DNAJC16: variants seen among roughly 807,000 people sequenced by gnomAD.
DNAJC16 encodes dnaJ homolog subfamily C member 16.
In DNAJC16, 76 loss-of-function variants were observed where a neutral mutation model predicts 92.7. That is an observed-to-expected ratio of 0.82 (90% confidence interval 0.68 to 0.99). DNAJC16 has a LOEUF of 0.99. Among genes scored for constraint, DNAJC16 ranks in the 50% least tolerant of loss-of-function variants. The probability of loss-of-function intolerance (pLI) is 0.00; values close to 1 mark genes in which losing one functional copy is unlikely to be tolerated. For synonymous variants in DNAJC16, 328 were observed against 358.7 expected (o/e 0.91, Z 0.97); for missense variants, 869 against 942.4 (o/e 0.92, Z 1.02).
chr1:15,544,561 T>C lies in DNAJC16; in HGVS notation c.737T>C (p.Leu246Pro), dbSNP rs769701324. 3 of 1,614,158 alleles carry C rather than the reference T, an allele frequency of 1.9e-6. No homozygotes were observed. The East Asian group carries it at 6.7e-5, about 36-fold the overall frequency. ...CTGCGACAATTTGTAGAAAGTCTTC[T>C]TCCAGGGAACTTGGTGGAGAAAGTA... ...ENLRQFVESL[L>P]PGNLVEKVTN... The change falls in exon 5 of 15, where the codon CTT (leucine) becomes CCT (proline). Residue 246 changes from leucine (L) to proline (P), a missense_variant. Leu to Pro is a moderately conservative substitution (Grantham distance 98). Coordinates refer to ENST00000375847, the MANE Select transcript of DNAJC16 (RefSeq NM_015291.4).
intron 13 of DNAJC16, chr1:15,566,469 G>A (rs1199216909): frequency 1.3e-5 from 5 of 391,784 alleles, no homozygotes; most frequent in South Asian, 6.3e-5. Context: ...GTCAATGAAC[G>A]TAACCAGTCT....
At chr1:15,528,262 G>A (rs1710567858) in intron 1 of DNAJC16, among the ~76,000 whole-genome samples, 1 of 152,136 alleles carries the variant, frequency 6.6e-6, no homozygotes, top group Admixed American at 6.6e-5. Context: ...GTGAAACCCT[G>A]TCTCTACTAA....
intron 5 of DNAJC16, among the ~76,000 whole-genome samples, chr1:15,545,079 A>G (rs1420689207): frequency 6.6e-6 from 1 of 152,232 alleles, no homozygotes; most frequent in South Asian, 2.1e-4. Context: ...CAGTGACAAT[A>G]ATATGAATGA....
At chr1:15,534,142 G>C in intron 2 of DNAJC16, 95 bp from the exon 3 acceptor site, 1 of 1,214,428 alleles carries the variant, frequency 8.2e-7, no homozygotes, top group East Asian at 2.6e-5. Context: ...ATAGCCCTCC[G>C]TCTGCCTCTG....
intron 7 of DNAJC16, 114 bp from the exon 8 acceptor site, chr1:15,559,412 T>G: frequency 7.0e-7 from 1 of 1,424,420 alleles, no homozygotes; most frequent in Non-Finnish European, 9.6e-7. Context: ...TGTTTGGTTA[T>G]ATTACTTTAG....
At chr1:15,542,059 T>C (rs1401534739) in intron 4 of DNAJC16, 3 of 152,068 alleles carry the variant, frequency 2.0e-5, no homozygotes, top group Non-Finnish European at 4.4e-5. Context: ...TGATTAGAAG[T>C]TTGAAAGTTT....
Position 15,568,448 on chromosome 1 carries a change from T to G in DNAJC16, c.*271T>G. 1 of 515,512 alleles carries G rather than the reference T, an allele frequency of 1.9e-6. No homozygotes were observed. The highest frequency in any genetic ancestry group is 1.9e-5 in the African/African-American group (1 of 52,114). 31.9% of individuals were successfully genotyped at this position (515,512 alleles called of 1,614,324 possible). ...CATTGAAAATAGACTGCTCATCCCC[T>G]CTTCCTTTCTTGTCCTTGTCCCATG... On this transcript the variant is annotated 3_prime_UTR_variant, in exon 15 of 15. Transcript: ENST00000375847.
chr1:15,537,607 A>G (rs1308273624), intron 4 of DNAJC16, among the ~76,000 whole-genome samples: 1 of 152,168 alleles, frequency 6.6e-6, no homozygotes, highest in African/African-American at 2.4e-5. Flanking sequence ...TCATGTTCCA[A>G]TTACTGTATT....
At chr1:15,551,039 T>A (rs1638431537) in intron 7 of DNAJC16, among the ~76,000 whole-genome samples, 1 of 152,086 alleles carries the variant, frequency 6.6e-6, no homozygotes, top group Admixed American at 6.5e-5. Context: ...CCGGCTAATT[T>A]TTGTATTTTT....
chr1:15,539,831 C>T (rs1468749006), intron 4 of DNAJC16, among the ~76,000 whole-genome samples: 1 of 152,002 alleles, frequency 6.6e-6, no homozygotes, highest in Non-Finnish European at 1.5e-5. Context: ...AGTTTGAGAC[C>T]AGCCTGGCCA....
chr1:15,565,752 A>G, intron 11 of DNAJC16, 167 bp from the exon 12 acceptor site: 1 of 674,256 alleles, frequency 1.5e-6, no homozygotes, highest in Non-Finnish European at 2.6e-6. Flanking sequence ...AGCAATCTCT[A>G]CCTTCCCCTC....
intron 4 of DNAJC16, among the ~76,000 whole-genome samples, chr1:15,541,550 A>T (rs1044650201): frequency 1.3e-5 from 2 of 152,178 alleles, no homozygotes; most frequent in Admixed American, 6.5e-5. Context: ...AGACTGCAAC[A>T]GTCAAAGTCA....
Position 15,546,881 on chromosome 1 carries a change from A to G in DNAJC16, c.864+10A>G, listed in dbSNP as rs181355970. On this transcript the variant is annotated intron_variant, in intron 6 of 14. Transcript: ENST00000375847. ...GCCACTGTTATACAAGGTACTTTCT[A>G]TGCTAGGATAATGGTTTCTTTTTCT... The G allele has an allele frequency of 1.0e-5, 15 of 1,491,878 alleles. No homozygotes were observed. The highest frequency in any genetic ancestry group is 1.7e-4 in the Middle Eastern group (1 of 5,730). 92.4% of individuals were successfully genotyped at this position (1,491,878 alleles called of 1,614,324 possible). A position where few individuals can be genotyped will look rare whatever the true frequency, so the allele number is the denominator to read the frequency against.
rs1186317031 is a variant in DNAJC16, at chr1:15,526,868, C to G, written c.-109C>G. 6.6e-6 allele frequency: 1 copy of G among 152,554 alleles called. No homozygotes were observed. The highest frequency in any genetic ancestry group is 1.5e-5 in the Non-Finnish European group (1 of 68,246). 9.5% of individuals were successfully genotyped at this position (152,554 alleles called of 1,614,324 possible). A position where few individuals can be genotyped will look rare whatever the true frequency, so the allele number is the denominator to read the frequency against. Reference sequence around the variant, plus strand: ...CCCTCCTCTTTCCCCTCCCCAGGCCCAGGCGAGCGCTGGTGTGGACGGGAA... The same window carrying G: ...CCCTCCTCTTTCCCCTCCCCAGGCCGAGGCGAGCGCTGGTGTGGACGGGAA... On this transcript the variant is annotated 5_prime_UTR_variant, in exon 1 of 15. Transcript: ENST00000375847.
chr1:15,564,257 C>A, intron 10 of DNAJC16, 26 bp from the exon 11 acceptor site: 1 of 1,561,570 alleles, frequency 6.4e-7, no homozygotes, highest in Non-Finnish European at 8.8e-7. Flanking sequence ...TTAGTCCTGA[C>A]CATCATCCAT....
chr1:15,563,216 T>A (rs1037723259), intron 9 of DNAJC16, among the ~76,000 whole-genome samples: 31 of 152,048 alleles, frequency 2.0e-4, no homozygotes, highest in Admixed American at 4.6e-4. Context: ...TAACAAAAGC[T>A]TAGGAAAGTC....
intron 7 of DNAJC16, among the ~76,000 whole-genome samples, chr1:15,553,742 A>G (rs1638505188): frequency 6.6e-6 from 1 of 152,008 alleles, no homozygotes; most frequent in African/African-American, 2.4e-5. Flanking sequence ...CTCCTTCCCA[A>G]AGGTCAGCAC....
intron 3 of DNAJC16, among the ~76,000 whole-genome samples, chr1:15,534,866 C>G (rs1192197124): frequency 6.6e-6 from 1 of 152,206 alleles, no homozygotes; most frequent in East Asian, 1.9e-4. Flanking sequence ...GTATGTGTCA[C>G]TATTGCCTTC....
intron 7 of DNAJC16, among the ~76,000 whole-genome samples, chr1:15,554,640 G>A (rs1382179073): frequency 4.0e-5 from 6 of 151,174 alleles, no homozygotes; most frequent in African/African-American, 1.5e-4. Context: ...TGTACTTTTT[G>A]TATATATTGG....
Sources: allele counts gnomAD v4.1 joint callset (sites outside exome capture counted in the v4.1 genomes callset), GRCh38; gene constraint gnomAD v4.1.1; transcripts MANE v1.5; gene names NCBI Gene and HGNC (gene_info 2026-07-23, HGNC 2026-07-21).